The following MTSS1 variants were observed in gnomAD, a reference collection of about 807,000 sequenced individuals.
MTSS1 encodes the protein protein MTSS 1.
In MTSS1, 18 loss-of-function variants were observed where a neutral mutation model predicts 79.0. The ratio of observed to expected loss-of-function variants is 0.23; its 90% CI spans 0.16 to 0.34. MTSS1 has a LOEUF of 0.34. Among genes scored for constraint, MTSS1 ranks in the 10% least tolerant of loss-of-function variants. MTSS1 has a pLI of 1.00. For missense variants in MTSS1, 815 were observed against 986.2 expected (o/e 0.83, Z 2.33); for synonymous variants, 341 against 368.6 (o/e 0.93, Z 0.86).
chr8:124,644,906 A>G (rs1252343507), intron 3 of MTSS1, among the ~76,000 whole-genome samples: 2 of 152,228 alleles, frequency 1.3e-5, no homozygotes, highest in Non-Finnish European at 2.9e-5. Context: ...GTCTAGCTGG[A>G]TAAACTGAAT....
At chr8:124,685,698 C>T (rs912147605) in intron 3 of MTSS1, among the ~76,000 whole-genome samples, 2 of 152,074 alleles carry the variant, frequency 1.3e-5, no homozygotes, top group African/African-American at 4.8e-5. Flanking sequence ...CCATTCATCC[C>T]CCAAATCTAA....
At chr8:124,703,064 A>G (rs771926343) in intron 2 of MTSS1, among the ~76,000 whole-genome samples, 1 of 152,128 alleles carries the variant, frequency 6.6e-6, no homozygotes, top group Non-Finnish European at 1.5e-5. Flanking sequence ...TTTTCAGGGT[A>G]TGAGTCAATG....
chr8:124,670,418 ACCCCACACAGC>A (rs1316926328), intron 3 of MTSS1, among the ~76,000 whole-genome samples: 1 of 151,398 alleles, frequency 6.6e-6, no homozygotes, highest in Admixed American at 6.6e-5. Context: ...GCCTGGCGGC[ACCCCACACAGC>A]CTGGCGGCAC....
chr8:124,673,115 G>A (rs905498912), intron 3 of MTSS1: 2 of 152,098 alleles, frequency 1.3e-5, no homozygotes, highest in African/African-American at 4.8e-5. Flanking sequence ...GTGTTTTAAA[G>A]TGGCCCTGAA....
chr8:124,585,036 A>G, intron 6 of MTSS1, 51 bp downstream of exon 6: 1 of 1,500,782 alleles, frequency 6.7e-7, no homozygotes, highest in Non-Finnish European at 9.2e-7. Flanking sequence ...TCAAAAACAA[A>G]TCAAGTACTC....
intron 4 of MTSS1, among the ~76,000 whole-genome samples, chr8:124,590,122 T>C: frequency 6.6e-6 from 1 of 152,242 alleles, no homozygotes. Context: ...CCCAAAGTGC[T>C]GGGATTACAG....
At chr8:124,721,572 G>A (rs1832948451) in intron 1 of MTSS1, among the ~76,000 whole-genome samples, 1 of 152,008 alleles carries the variant, frequency 6.6e-6, no homozygotes, top group Admixed American at 6.6e-5. Context: ...ATCACGCTGG[G>A]CTAAATTTTG....
intron 3 of MTSS1, among the ~76,000 whole-genome samples, chr8:124,675,113 C>T (rs1825037446): frequency 6.6e-6 from 1 of 152,252 alleles, no homozygotes; most frequent in South Asian, 2.1e-4. Flanking sequence ...CTCCGCTTCA[C>T]AGCAGGTATG....
chr8:124,583,449 C>T (rs1830375454), intron 6 of MTSS1, among the ~76,000 whole-genome samples: 1 of 152,196 alleles, frequency 6.6e-6, no homozygotes. Context: ...GCATTGCAAT[C>T]ACCCTATCAG....
chr8:124,582,789 C>G lies in MTSS1; in HGVS notation c.460+2298G>C, dbSNP rs2132480230. 6.6e-6 allele frequency among the ~76,000 whole-genome samples: 1 copy of G among 152,256 alleles called. No homozygotes were observed. The highest frequency in any genetic ancestry group is 1.9e-4 in the East Asian group (1 of 5,190). ...AAAGGGAAATGTCAGCTAACCAGAC[C>G]CCTAAACAACTGAAAGCCTCAAATG... On this transcript the variant is annotated intron_variant, in intron 6 of 13. Coordinates refer to ENST00000518547, the MANE Select transcript of MTSS1 (RefSeq NM_014751.6). The surrounding 1 kb of genome is among the most constrained non-coding windows in gnomAD (Gnocchi z 4.8).
chr8:124,629,010 G>C (rs11777231), intron 3 of MTSS1, among the ~76,000 whole-genome samples: 27,398 of 152,096 alleles, frequency 0.18, 2,711 homozygotes, highest in African/African-American at 0.27. Context: ...GGGCAGGAGG[G>C]AAATGAGTTA....
intron 3 of MTSS1, among the ~76,000 whole-genome samples, chr8:124,681,722 A>G (rs1368664341): frequency 6.6e-6 from 1 of 152,212 alleles, no homozygotes; most frequent in African/African-American, 2.4e-5. Flanking sequence ...TGGGAGGCAG[A>G]GGTTGCAGTG....
chr8:124,710,481 G>A (rs1464076454), intron 1 of MTSS1, among the ~76,000 whole-genome samples: 3 of 151,318 alleles, frequency 2.0e-5, no homozygotes, highest in East Asian at 3.9e-4. Flanking sequence ...TGGAGCTTAG[G>A]AGACACCGCC....
intron 2 of MTSS1, 151 bp from the exon 3 acceptor site, chr8:124,699,750 C>A (rs1301181383): frequency 2.9e-6 from 2 of 686,796 alleles, no homozygotes; most frequent in Non-Finnish European, 2.5e-6. Flanking sequence ...TCTTGCTGAA[C>A]CCACTTTTTT....
At chr8:124,636,724 G>A (rs959272532) in intron 3 of MTSS1, among the ~76,000 whole-genome samples, 4 of 152,126 alleles carry the variant, frequency 2.6e-5, no homozygotes, top group African/African-American at 4.8e-5. Flanking sequence ...TTGACAATCC[G>A]AAAGTACCTA....
At chr8:124,695,241 A>G (rs1393476100) in intron 3 of MTSS1, among the ~76,000 whole-genome samples, 1 of 152,196 alleles carries the variant, frequency 6.6e-6, no homozygotes. Context: ...TGGAAACCAG[A>G]GCGACCTGCT....
chr8:124,574,924 A>G (rs552000405), intron 6 of MTSS1, among the ~76,000 whole-genome samples: 1 of 152,130 alleles, frequency 6.6e-6, no homozygotes, highest in South Asian at 2.1e-4. Context: ...CACCTCACCA[A>G]TCAGGGTGTG....
chr8:124,716,579 A>G, intron 1 of MTSS1, among the ~76,000 whole-genome samples: 1 of 152,190 alleles, frequency 6.6e-6, no homozygotes, highest in East Asian at 1.9e-4. Context: ...TGCTAACACT[A>G]CAGGTTCTAA....
At chr8:124,700,771 A>G (rs1403704364) in intron 2 of MTSS1, among the ~76,000 whole-genome samples, 1 of 152,126 alleles carries the variant, frequency 6.6e-6, no homozygotes, top group Non-Finnish European at 1.5e-5. Flanking sequence ...TTCCACACAA[A>G]CAAGCCCCAG....
Sources: allele counts gnomAD v4.1 joint callset (sites outside exome capture counted in the v4.1 genomes callset), GRCh38; gene constraint gnomAD v4.1.1; non-coding constraint Gnocchi (gnomAD v3.1); transcripts MANE v1.5; gene names NCBI Gene and HGNC (gene_info 2026-07-23, HGNC 2026-07-21).